Variants in PPFIBP2 observed in about 807,000 individuals in gnomAD.
PPFIBP2 encodes the protein PPFIB scaffold protein 2.
A neutral mutation model predicts 118.3 loss-of-function variants in PPFIBP2; 118 were observed. The observed-to-expected ratio is 1.00, with a 90% CI of 0.86 to 1.16. The LOEUF (loss-of-function observed/expected upper bound fraction) is 1.16. Ranked by LOEUF, PPFIBP2 falls within the 50% of genes most tolerant of loss-of-function variation. The probability of loss-of-function intolerance (pLI) is 0.00; values close to 1 mark genes in which losing one functional copy is unlikely to be tolerated. For missense variants in PPFIBP2, 1,195 were observed against 1,073.1 expected, an observed-to-expected ratio of 1.11 and a Z score of -1.59; for synonymous variants, 414 against 397.4, an observed-to-expected ratio of 1.04 and a Z score of -0.50.
rs371039690 is a variant in PPFIBP2, at chr11:7,579,256, C to G, written c.279+13489C>G. ...ATAGCTATTAGTGGTGCAGCCTGGT[C>G]TTGAACCCTGTTCTCTATCTCCCAG... On this transcript the variant is annotated intron_variant, in intron 3 of 23. Transcript: ENST00000299492. Among the ~76,000 whole-genome samples the G allele has an allele frequency of 1.7e-4, 26 of 152,284 alleles. No homozygotes were observed. The South Asian group carries it at 5.0e-3, about 29-fold the overall frequency.
intron 2 of PPFIBP2, among the ~76,000 whole-genome samples, chr11:7,552,601 C>T (rs1853116076): frequency 6.6e-6 from 1 of 152,164 alleles, no homozygotes; most frequent in African/African-American, 2.4e-5. Flanking sequence ...TCATATCACT[C>T]CTCTCTCCAA....
At chr11:7,540,250 T>TG (rs148043487) in intron 1 of PPFIBP2, among the ~76,000 whole-genome samples, 26,567 of 121,276 alleles carry the variant, frequency 0.22, 2,574 homozygotes, top group Non-Finnish European at 0.27. Flanking sequence ...ATGAGGGGTG[T>TG]GGGGGGGCGG....
chr11:7,646,922 A>G (rs919083458), intron 17 of PPFIBP2, among the ~76,000 whole-genome samples: 59 of 152,148 alleles, frequency 3.9e-4, no homozygotes, highest in Admixed American at 1.8e-3. Flanking sequence ...CTAATTCTAA[A>G]TATTCCCTTT....
chr11:7,613,421 G>A (rs1423660215), intron 6 of PPFIBP2, among the ~76,000 whole-genome samples: 2 of 152,152 alleles, frequency 1.3e-5, no homozygotes, highest in Admixed American at 6.5e-5. Flanking sequence ...TTCCTTGATG[G>A]CCAGCCTTGC....
At chr11:7,577,579 T>A (rs1320300809) in intron 3 of PPFIBP2, 1 of 456,474 alleles carries the variant, frequency 2.2e-6, no homozygotes, top group Non-Finnish European at 4.4e-6. Flanking sequence ...ACTGCTGACA[T>A]GGGTGCCCAG....
intron 5 of PPFIBP2, among the ~76,000 whole-genome samples, chr11:7,600,994 G>A (rs991621399): frequency 6.6e-6 from 1 of 152,184 alleles, no homozygotes; most frequent in Non-Finnish European, 1.5e-5. Flanking sequence ...CCCTTCTACA[G>A]GCTGGAATAA....
intron 14 of PPFIBP2, among the ~76,000 whole-genome samples, chr11:7,635,930 C>A (rs577435984): frequency 6.6e-6 from 1 of 152,156 alleles, no homozygotes; most frequent in African/African-American, 2.4e-5. Context: ...AGCTCTCATC[C>A]TTTCTGTGCT....
intron 1 of PPFIBP2, among the ~76,000 whole-genome samples, chr11:7,515,590 C>G (rs1213373601): frequency 6.6e-6 from 1 of 152,182 alleles, no homozygotes; most frequent in East Asian, 1.9e-4. Flanking sequence ...GTGGCCTGGG[C>G]TGTGACAACT....
intron 5 of PPFIBP2, among the ~76,000 whole-genome samples, chr11:7,599,939 C>T (rs951092209): frequency 6.6e-6 from 1 of 151,804 alleles, no homozygotes; most frequent in Non-Finnish European, 1.5e-5. Flanking sequence ...CCACTGCGCC[C>T]GGCCTCAATT....
At chr11:7,531,082 A>T (rs1426134332) in intron 1 of PPFIBP2, among the ~76,000 whole-genome samples, 1 of 152,116 alleles carries the variant, frequency 6.6e-6, no homozygotes, top group Non-Finnish European at 1.5e-5. Context: ...GCCTGCAGGG[A>T]AGGGGCTACC....
chr11:7,549,104 G>A (rs906478463), intron 1 of PPFIBP2, among the ~76,000 whole-genome samples: 6 of 152,196 alleles, frequency 3.9e-5, no homozygotes, highest in African/African-American at 7.2e-5. Context: ...ACTTAGTGGC[G>A]CCTTTCACAG....
intron 1 of PPFIBP2, among the ~76,000 whole-genome samples, chr11:7,524,499 TCAGGGTAGTGTTATTCC>T (rs1850051099): frequency 6.6e-6 from 1 of 152,170 alleles, no homozygotes; most frequent in Admixed American, 6.5e-5. Flanking sequence ...TTTCATGAGG[TCAGGGTAGTGTTATTCC>T]CATTTTATGG....
In PPFIBP2 at chr11:7,572,562, G is replaced by T. The variant is rs149551900; in HGVS notation, c.279+6795G>T. The stretch of plus-strand genomic sequence containing the variant: ...ATTTCCTGCTTCAGGCCCAGGGGCC[G>T]TGGTGGACAGTGTTGCCAGGTTAGC... On this transcript the variant is annotated intron_variant, in intron 3 of 23. Coordinates refer to ENST00000299492, the MANE Select transcript of PPFIBP2 (RefSeq NM_003621.5). 1.9e-3 allele frequency among the ~76,000 whole-genome samples: 284 copies of T among 152,302 alleles called. 1 individual carries two copies. The highest frequency in any genetic ancestry group is 6.4e-3 in the African/African-American group (264 of 41,574).
At chr11:7,567,955 A>G (rs1224782754) in intron 3 of PPFIBP2, among the ~76,000 whole-genome samples, 1 of 152,166 alleles carries the variant, frequency 6.6e-6, no homozygotes, top group Non-Finnish European at 1.5e-5. Flanking sequence ...TATTTTTTTA[A>G]AGTCCCATGT....
chr11:7,570,754 G>A (rs1208477163), intron 3 of PPFIBP2, among the ~76,000 whole-genome samples: 1 of 152,132 alleles, frequency 6.6e-6, no homozygotes, highest in Non-Finnish European at 1.5e-5. Flanking sequence ...AGTATGGAAG[G>A]TAGGAAGGAG....
the PPFIBP2 span, chr11:7,666,412 G>T: frequency 7.4e-7 from 1 of 1,351,200 alleles, no homozygotes; most frequent in East Asian, 2.3e-5. Context: ...TCAAGGGTTG[G>T]TGCTGACCCA....
At chr11:7,521,161 G>A (rs1282995090) in intron 1 of PPFIBP2, among the ~76,000 whole-genome samples, 1 of 152,110 alleles carries the variant, frequency 6.6e-6, no homozygotes, top group African/African-American at 2.4e-5. Context: ...TCCTCTCTCT[G>A]TCATGTTCAT....
chr11:7,655,021 G>A (rs1420002996), downstream of PPFIBP2, among the ~76,000 whole-genome samples: 6 of 152,324 alleles, frequency 3.9e-5, no homozygotes, highest in South Asian at 1.2e-3. Flanking sequence ...ACCTATGTCA[G>A]GGCATTGGTG....
intron 1 of PPFIBP2, among the ~76,000 whole-genome samples, chr11:7,530,634 G>A (rs1850604391): frequency 6.6e-6 from 1 of 152,222 alleles, no homozygotes; most frequent in South Asian, 2.1e-4. Flanking sequence ...GGGCTTCCCA[G>A]CCTCCATAGC....
Sources: gnomAD v4.1 joint callset for allele counts (sites outside exome capture counted in the v4.1 genomes callset) on GRCh38, gnomAD v4.1.1 for gene constraint, MANE v1.5 for transcripts, NCBI Gene and HGNC (gene_info 2026-07-23, HGNC 2026-07-21) for gene names.